DDX11: variants seen among roughly 807,000 people sequenced by gnomAD.
DDX11 encodes ATP-dependent DNA helicase DDX11.
In DDX11, 72 loss-of-function variants were observed where a neutral mutation model predicts 125.2. That is an observed-to-expected ratio of 0.58 (90% CI 0.48 to 0.70). The LOEUF (loss-of-function observed/expected upper bound fraction) is 0.70. DDX11 is among the 30% of genes least tolerant of loss of function. The probability of loss-of-function intolerance (pLI) is 0.00; values close to 1 mark genes in which losing one functional copy is unlikely to be tolerated. For missense variants in DDX11, 883 were observed against 1,165.0 expected (o/e 0.76, Z 3.52); for synonymous variants, 347 against 452.6 (o/e 0.77, Z 2.96).
chr12:31,097,905 C>T lies in DDX11; in HGVS notation c.1783C>T (p.Leu595=). 6.2e-7 allele frequency: 1 copy of T among 1,613,374 alleles called. No homozygotes were observed. Among genetic ancestry groups the T allele is most frequent in the Non-Finnish European group, 8.5e-7 (1 of 1,179,648 alleles). ...SRQGSLSQST[L]KFLLLNPAVH... ...TCCAGGCAGCCTCAGTCAGAGCACC[C>T]TGAAGTTTTTGCTCCTGAATCCAGC... is the stretch of plus-strand genomic sequence containing the variant. Residue 595 remains leucine, a synonymous_variant, in exon 18 of 27, where the codon CTG becomes TTG. Transcript: ENST00000542838.
chr12:31,088,754 C>T lies in DDX11; in HGVS notation c.685-290C>T, dbSNP rs1464787406. Reference sequence around the variant, plus strand: ...TGCCACGGGAGATGGTCACCCATGTCCAAAGATTGGCCAACCCCCCAAAAG... The same window carrying T: ...TGCCACGGGAGATGGTCACCCATGTTCAAAGATTGGCCAACCCCCCAAAAG... On this transcript the variant is annotated intron_variant, in intron 6 of 26. Coordinates refer to ENST00000542838, the MANE Select transcript of DDX11 (RefSeq NM_030653.4). 9.2e-5 allele frequency among the ~76,000 whole-genome samples: 14 copies of T among 152,320 alleles called. No homozygotes were observed. The South Asian group carries it at 2.5e-3, about 27-fold the overall frequency.
chr12:31,096,569 G>C lies in DDX11; in HGVS notation c.1522-68G>C. On this transcript the variant is annotated intron_variant, in intron 15 of 26. Coordinates refer to ENST00000542838, the MANE Select transcript of DDX11 (RefSeq NM_030653.4). ...GTGTCTTGGGCCTGGCAGAGCCTCC[G>C]ATCCACCCAGCCTCTCTCTCATGGC... 4.4e-6 allele frequency: 7 copies of C among 1,592,290 alleles called. No homozygotes were observed. In the South Asian group the frequency reaches 6.8e-5, roughly 15 times the overall value.
chr12:31,080,118 C>T (rs1267921566), intron 2 of DDX11, among the ~76,000 whole-genome samples: 1 of 139,588 alleles, frequency 7.2e-6, no homozygotes, highest in South Asian at 2.5e-4. Flanking sequence ...GTCTGCAGGG[C>T]ACTGGCTGTG....
Position 31,089,505 on chromosome 12 carries a change from C to T in DDX11, c.880+15C>T, listed in dbSNP as rs749291014. The stretch of plus-strand genomic sequence containing the variant: ...AAGCAGGCACGGTAGCCACTGGGAC[C>T]ATGGTGTAGCCGCAGGTGGTCTGGA... On this transcript the variant is annotated intron_variant, in intron 8 of 26. Transcript: ENST00000542838. The T allele has an allele frequency of 3.2e-5, 52 of 1,609,350 alleles. No individual in the cohort carries two copies. Among genetic ancestry groups the T allele is most frequent in the Non-Finnish European group, 3.8e-5 (45 of 1,175,888 alleles).
At chr12:31,095,249 G>C (rs1945022199) in intron 14 of DDX11, among the ~76,000 whole-genome samples, 1 of 152,214 alleles carries the variant, frequency 6.6e-6, no homozygotes, top group Admixed American at 6.5e-5. Context: ...ATGAAACACG[G>C]CCACTGCCGC....
chr12:31,102,485 G>A lies in DDX11; in HGVS notation c.2330G>A (p.Gly777Glu). The A allele has an allele frequency of 1.2e-6, 2 of 1,614,034 alleles. No homozygotes were observed. Among genetic ancestry groups the A allele is most frequent in the South Asian group, 1.1e-5 (1 of 91,062 alleles). Residue 777 changes from glycine (G) to glutamate (E), a missense_variant, in exon 23 of 27, where the codon GGA (glycine) becomes GAA (glutamate). Physicochemically the swap from Gly to Glu is moderately conservative, Grantham distance 98. Transcript: ENST00000542838. Reference sequence around the variant, plus strand: ...GCCCTGCTCCTCTCTGTGGTTGGAGGAAAGATGAGTGAAGGGATCAACTTC... The same window carrying A: ...GCCCTGCTCCTCTCTGTGGTTGGAGAAAAGATGAGTGAAGGGATCAACTTC... ...TGALLLSVVG[G>E]KMSEGINFSD... is the part of the protein sequence containing the mutation.
chr12:31,097,230 G>A (rs1945418809), intron 17 of DDX11, among the ~76,000 whole-genome samples: 2 of 151,708 alleles, frequency 1.3e-5, no homozygotes, highest in Admixed American at 6.6e-5. Flanking sequence ...GACGGGAGGA[G>A]ATCGAGGAGC....
intron 17 of DDX11, among the ~76,000 whole-genome samples, 198 bp from the exon 18 acceptor site, chr12:31,097,679 CAAAAAAAA>C (rs10676316): frequency 1.1e-5 from 1 of 93,188 alleles, no homozygotes; most frequent in Non-Finnish European, 2.1e-5. Flanking sequence ...GACTCCATCT[CAAAAAAAA>C]AAAAAAAAAA....
At chr12:31,098,563 A>G (rs950964988) in intron 18 of DDX11, among the ~76,000 whole-genome samples, 3 of 152,300 alleles carry the variant, frequency 2.0e-5, no homozygotes, top group African/African-American at 7.2e-5. Flanking sequence ...TAGGTGTGCA[A>G]GCTATTTGCA....
intron 22 of DDX11, 25 bp from the exon 23 acceptor site, chr12:31,102,402 C>T (rs774192783): frequency 6.2e-7 from 1 of 1,612,398 alleles, no homozygotes; most frequent in Non-Finnish European, 8.5e-7. Flanking sequence ...GGCTCAGCAA[C>T]TCAGCGTCTG....
intron 14 of DDX11, among the ~76,000 whole-genome samples, chr12:31,095,152 C>A (rs2140893269): frequency 6.6e-6 from 1 of 152,328 alleles, no homozygotes; most frequent in South Asian, 2.1e-4. Context: ...TGTGCAACCC[C>A]TGTCACGTCT....
chr12:31,097,550 G>C (rs1945504672), intron 17 of DDX11, among the ~76,000 whole-genome samples: 1 of 149,024 alleles, frequency 6.7e-6, no homozygotes, highest in African/African-American at 2.5e-5. Flanking sequence ...TGTGGTGGTG[G>C]GTGCCTGTAG....
Position 31,102,945 on chromosome 12 carries a change from G to A in DDX11, c.2382G>A (p.Val794=). The change falls in exon 24 of 27, where the codon GTG becomes GTA. Residue 794 remains valine (V), a synonymous_variant. Coordinates refer to ENST00000542838, the MANE Select transcript of DDX11 (RefSeq NM_030653.4). ...TGTCTCCCCCGCCCAGGTGTGTGGTGATGGTGGGCATGCCCTTCCCCAACA... is the reference window on the plus strand; with the variant it reads ...TGTCTCCCCCGCCCAGGTGTGTGGTAATGGTGGGCATGCCCTTCCCCAACA... The part of the protein sequence containing the change: ...NFSDNLGRCV[V]MVGMPFPNIR... The A allele has an allele frequency of 6.2e-7, 1 of 1,613,982 alleles. No homozygotes were observed. Among genetic ancestry groups the A allele is most frequent in the Non-Finnish European group, 8.5e-7 (1 of 1,179,850 alleles).
chr12:31,082,839 G>A (rs915680151), intron 2 of DDX11, among the ~76,000 whole-genome samples: 6 of 152,232 alleles, frequency 3.9e-5, no homozygotes, highest in Admixed American at 3.3e-4. Context: ...TCTGAGGGTC[G>A]TGAGGGAAAG....
chr12:31,099,770 A>G (rs1437130404), intron 18 of DDX11, among the ~76,000 whole-genome samples: 1 of 151,916 alleles, frequency 6.6e-6, no homozygotes, highest in African/African-American at 2.4e-5. Context: ...AAATATTTGT[A>G]TGGCTCAAAA....
intron 10 of DDX11, 39 bp from the exon 11 acceptor site, chr12:31,092,807 A>G (rs2075321): frequency 0.48 from 754,250 of 1,575,780 alleles, 189,227 homozygotes; most frequent in East Asian, 0.84. Context: ...CTTAGCCCTC[A>G]GCTGCTTGCT....
chr12:31,077,306 G>C (rs1387852300), intron 1 of DDX11, among the ~76,000 whole-genome samples: 1 of 152,070 alleles, frequency 6.6e-6, no homozygotes, highest in East Asian at 1.9e-4. Flanking sequence ...GAAAAAAAAA[G>C]ATGACGTCAA....
intron 2 of DDX11, among the ~76,000 whole-genome samples, chr12:31,081,801 T>C (rs545647534): frequency 9.6e-6 from 1 of 103,936 alleles, no homozygotes; most frequent in Non-Finnish European, 1.9e-5. Flanking sequence ...TATTACACGA[T>C]GTAGAAAACA....
At chr12:31,088,467 C>T (rs573119125) in intron 6 of DDX11, among the ~76,000 whole-genome samples, 4 of 152,228 alleles carry the variant, frequency 2.6e-5, no homozygotes, top group African/African-American at 4.8e-5. Context: ...TGTGCTTCTC[C>T]CTTTGTCTGT....
Sources: allele counts gnomAD v4.1 joint callset (sites outside exome capture counted in the v4.1 genomes callset), GRCh38; gene constraint gnomAD v4.1.1; transcripts MANE v1.5; gene names NCBI Gene and HGNC (gene_info 2026-07-23, HGNC 2026-07-21).